Variants in PDE1C observed in about 807,000 individuals in gnomAD.
PDE1C encodes phosphodiesterase 1C, also known as dual specificity calcium/calmodulin-dependent 3',5'-cyclic nucleotide phosphodiesterase 1C.
Under a neutral mutation model 93.1 loss-of-function variants are expected in PDE1C, and 62 were observed. That is an observed-to-expected ratio of 0.67 (90% CI 0.54 to 0.82). The LOEUF (loss-of-function observed/expected upper bound fraction) is 0.82. PDE1C is among the 40% of genes least tolerant of loss of function. The pLI, the probability that PDE1C is intolerant of heterozygous loss-of-function variation, is 0.00. For synonymous variants in PDE1C, 325 were observed against 310.1 expected, an observed-to-expected ratio of 1.05 and a Z score of -0.50; for missense variants, 742 against 884.6, an observed-to-expected ratio of 0.84 and a Z score of 2.04.
chr7:32,353,171 TG>T (rs1385771226), intron 1 of PDE1C, among the ~76,000 whole-genome samples: 1 of 1,646 alleles, frequency 6.1e-4, no homozygotes, highest in African/African-American at 7.4e-4. Context: ...TCAGAAGGAA[TG>T]GTACCAGTTC....
the PDE1C span, among the ~76,000 whole-genome samples, chr7:31,627,522 A>T: frequency 2.6e-5 from 4 of 151,984 alleles, no homozygotes; most frequent in Non-Finnish European, 5.9e-5. Flanking sequence ...GTCCAATGGG[A>T]TGGTGCACAC....
At chr7:32,158,846 T>C (rs187511930) in intron 3 of PDE1C, among the ~76,000 whole-genome samples, 14 of 152,360 alleles carry the variant, frequency 9.2e-5, no homozygotes, top group East Asian at 7.7e-4. Flanking sequence ...CTCTTTCTCA[T>C]GGCAAACAAG....
intron 3 of PDE1C, among the ~76,000 whole-genome samples, chr7:32,164,864 G>T (rs1037902155): frequency 6.6e-6 from 1 of 152,118 alleles, no homozygotes; most frequent in African/African-American, 2.4e-5. Context: ...TCACTAATCA[G>T]ACTGGATGGA....
chr7:31,869,508 T>C (rs1795677081), intron 6 of PDE1C, among the ~76,000 whole-genome samples: 2 of 151,636 alleles, frequency 1.3e-5, no homozygotes, highest in Admixed American at 1.3e-4. Context: ...AAGTCAAAAA[T>C]GGTAAAAAGA....
chr7:31,969,048 T>C (rs1432442597), intron 2 of PDE1C, among the ~76,000 whole-genome samples: 1 of 152,068 alleles, frequency 6.6e-6, no homozygotes, highest in Non-Finnish European at 1.5e-5. Context: ...ACCTAGGCAA[T>C]ACCATTCAGG....
chr7:31,836,138 T>A (rs2128762785), intron 11 of PDE1C, among the ~76,000 whole-genome samples: 1 of 152,298 alleles, frequency 6.6e-6, no homozygotes, highest in African/African-American at 2.4e-5. Flanking sequence ...AATCTATGTA[T>A]CATGTCTTCA....
chr7:32,298,663 T>C (rs2128901308), exon 1 of PDE1C: 1 of 1,606,868 alleles, frequency 6.2e-7, no homozygotes, highest in Admixed American at 1.7e-5. Context: ...ATGGTGAAGC[T>C]GTAGCCATCG....
intron 1 of PDE1C, among the ~76,000 whole-genome samples, chr7:32,248,344 G>A (rs1562617118): frequency 6.6e-6 from 1 of 152,170 alleles, no homozygotes; most frequent in Non-Finnish European, 1.5e-5. Context: ...CCAAGAATGT[G>A]AAATTCACTG....
chr7:31,718,619 G>A, the PDE1C span, among the ~76,000 whole-genome samples: 4 of 152,178 alleles, frequency 2.6e-5, no homozygotes, highest in Admixed American at 2.6e-4. Flanking sequence ...GAGTGCTAGG[G>A]GCTGGGCACA....
intron 1 of PDE1C, among the ~76,000 whole-genome samples, chr7:32,341,050 C>G (rs1230301785): frequency 6.6e-6 from 1 of 151,902 alleles, no homozygotes; most frequent in Admixed American, 6.6e-5. Context: ...GTCACATGTA[C>G]CACTCCAGTG....
the PDE1C span, among the ~76,000 whole-genome samples, chr7:31,668,993 G>A: frequency 6.9e-6 from 1 of 145,488 alleles, no homozygotes; most frequent in Non-Finnish European, 1.5e-5. Context: ...GTTAGTTGAG[G>A]AAGGAGAAGG....
At chr7:32,389,192 T>TGTGTGTGTGG (rs1784703445) in intron 1 of PDE1C, among the ~76,000 whole-genome samples, 6 of 22,188 alleles carry the variant, frequency 2.7e-4, no homozygotes, top group Admixed American at 2.0e-3. Flanking sequence ...GTGTGTGTGG[T>TGTGTGTGTGG]TTTTTTGGTT....
At chr7:31,746,867 G>A (rs1346921021), downstream of PDE1C, among the ~76,000 whole-genome samples, 1 of 152,190 alleles carries the variant, frequency 6.6e-6, no homozygotes, top group Non-Finnish European at 1.5e-5. Flanking sequence ...CAACCATTTG[G>A]ATTAACTGAT....
At chr7:32,256,096 T>C (rs1162886546) in intron 1 of PDE1C, among the ~76,000 whole-genome samples, 1 of 151,980 alleles carries the variant, frequency 6.6e-6, no homozygotes, top group African/African-American at 2.4e-5. Flanking sequence ...GGGAAGGAAA[T>C]CAGAAAGCAT....
chr7:31,745,103 A>G, the PDE1C span, among the ~76,000 whole-genome samples: 4 of 152,174 alleles, frequency 2.6e-5, no homozygotes, highest in African/African-American at 9.7e-5. Context: ...ATAAAGGCAA[A>G]ACTATGCTCT....
chr7:32,205,936 T>G (rs1271820772), intron 2 of PDE1C, among the ~76,000 whole-genome samples: 3 of 152,154 alleles, frequency 2.0e-5, no homozygotes, highest in African/African-American at 4.8e-5. Context: ...ACACCATCTG[T>G]AAGAACTGTA....
intron 3 of PDE1C, among the ~76,000 whole-genome samples, chr7:32,149,092 A>C (rs975191808): frequency 4.6e-5 from 7 of 152,184 alleles, no homozygotes; most frequent in Non-Finnish European, 1.0e-4. Context: ...CTCTTCAGTT[A>C]ATCAACAAAT....
the PDE1C span, among the ~76,000 whole-genome samples, chr7:31,720,414 C>T: frequency 6.6e-6 from 1 of 152,138 alleles, no homozygotes; most frequent in African/African-American, 2.4e-5. Flanking sequence ...ACATCGTAAG[C>T]GTCTCTGCTC....
At chr7:31,635,499 T>C in the PDE1C span, among the ~76,000 whole-genome samples, 1 of 152,238 alleles carries the variant, frequency 6.6e-6, no homozygotes, top group African/African-American at 2.4e-5. Flanking sequence ...TTTTTATTGC[T>C]TGAGTTTCAA....
Sources: gnomAD v4.1 joint callset for allele counts (sites outside exome capture counted in the v4.1 genomes callset) on GRCh38, gnomAD v4.1.1 for gene constraint, MANE v1.5 for transcripts, NCBI Gene and HGNC (gene_info 2026-07-23, HGNC 2026-07-21) for gene names.